RIMS1: variants seen among roughly 807,000 people sequenced by gnomAD.
The protein encoded by RIMS1 is regulating synaptic membrane exocytosis 1.
Under a neutral mutation model 214.1 loss-of-function variants are expected in RIMS1, and 83 were observed. That is an observed-to-expected ratio of 0.39 (90% CI 0.32 to 0.47). The LOEUF (loss-of-function observed/expected upper bound fraction) is 0.47. RIMS1 is among the 20% of genes least tolerant of loss of function. RIMS1 has a pLI of 0.99. For missense variants in RIMS1, 2,050 were observed against 2,161.8 expected (o/e 0.95, Z 1.03); for synonymous variants, 793 against 786.8 (o/e 1.01, Z -0.13).
At chr6:72,012,043 C>T (rs375498682) in intron 2 of RIMS1, among the ~76,000 whole-genome samples, 13 of 152,214 alleles carry the variant, frequency 8.5e-5, no homozygotes, top group South Asian at 6.2e-4. Context: ...ATGTTTATTG[C>T]GGCACTATTC....
At chr6:72,291,785 C>T (rs1016406101) in intron 25 of RIMS1, 149 bp from the exon 26 acceptor site, 38 of 683,512 alleles carry the variant, frequency 5.6e-5, no homozygotes, top group Non-Finnish European at 8.9e-5. Flanking sequence ...ATTCCATTTA[C>T]ACATATCATA....
At chr6:72,091,882 G>A (rs1034573934) in intron 2 of RIMS1, among the ~76,000 whole-genome samples, 4 of 152,024 alleles carry the variant, frequency 2.6e-5, no homozygotes, top group African/African-American at 9.7e-5. Flanking sequence ...TTCTAAAATC[G>A]AAGTGTACAA....
At chr6:72,143,506 G>T (rs1343778384) in intron 4 of RIMS1, among the ~76,000 whole-genome samples, 1 of 152,076 alleles carries the variant, frequency 6.6e-6, no homozygotes, top group Admixed American at 6.6e-5. Context: ...GATCTTGGTG[G>T]AAGTCAGGAT....
intron 6 of RIMS1, among the ~76,000 whole-genome samples, chr6:72,214,106 G>A (rs2054652455): frequency 6.6e-6 from 1 of 152,080 alleles, no homozygotes; most frequent in Non-Finnish European, 1.5e-5. Context: ...CATAGTATGT[G>A]GTACCCAGAA....
chr6:72,077,841 G>T lies in RIMS1; in HGVS notation c.246-19108G>T, dbSNP rs9442732. Among the ~76,000 whole-genome samples, 3 of 152,182 alleles carry T rather than the reference G, an allele frequency of 2.0e-5. No individual in the cohort carries two copies. In the East Asian group the frequency reaches 5.8e-4, roughly 29 times the overall value. On this transcript the variant is annotated intron_variant, in intron 2 of 33. Coordinates refer to ENST00000521978, the MANE Select transcript of RIMS1 (RefSeq NM_014989.7). Reference sequence around the variant, plus strand: ...AGAGCCTTTGTTCCAGCCCTGGCTTGTATCTGGTAATAATGCCCTTACTTA... The same window carrying T: ...AGAGCCTTTGTTCCAGCCCTGGCTTTTATCTGGTAATAATGCCCTTACTTA...
chr6:71,988,901 A>C (rs1272986005), intron 2 of RIMS1, among the ~76,000 whole-genome samples: 1 of 152,232 alleles, frequency 6.6e-6, no homozygotes, highest in Non-Finnish European at 1.5e-5. Flanking sequence ...ATACAACAGC[A>C]TCATATATAC....
intron 26 of RIMS1, among the ~76,000 whole-genome samples, chr6:72,300,002 T>G (rs1446918386): frequency 6.6e-6 from 1 of 151,816 alleles, no homozygotes; most frequent in Non-Finnish European, 1.5e-5. Flanking sequence ...TTGCTTCTCC[T>G]GAACACTTAT....
At chr6:72,299,365 A>C (rs2094404186) in intron 26 of RIMS1, among the ~76,000 whole-genome samples, 1 of 151,956 alleles carries the variant, frequency 6.6e-6, no homozygotes, top group African/African-American at 2.4e-5. Flanking sequence ...ATGGAGAATG[A>C]AAGGCAATTA....
intron 2 of RIMS1, among the ~76,000 whole-genome samples, chr6:72,019,323 C>T (rs1191824363): frequency 2.6e-5 from 4 of 152,158 alleles, no homozygotes; most frequent in Non-Finnish European, 5.9e-5. Flanking sequence ...TTGCAGTCAA[C>T]ACAAACCTTG....
chr6:71,946,330 C>T (rs942016819), intron 1 of RIMS1, among the ~76,000 whole-genome samples: 2 of 152,140 alleles, frequency 1.3e-5, no homozygotes, highest in Non-Finnish European at 1.5e-5. Context: ...CCAAAGCAAT[C>T]TTGAACAAGA....
At chr6:72,039,179 A>T (rs1404151064) in intron 2 of RIMS1, among the ~76,000 whole-genome samples, 1 of 152,006 alleles carries the variant, frequency 6.6e-6, no homozygotes, top group African/African-American at 2.4e-5. Context: ...AGTATTTTTC[A>T]TAAGTGCAGG....
At chr6:72,314,044 A>T (rs1563937568) in intron 28 of RIMS1, among the ~76,000 whole-genome samples, 1 of 152,218 alleles carries the variant, frequency 6.6e-6, no homozygotes, top group Non-Finnish European at 1.5e-5. Flanking sequence ...TGTGACAGCT[A>T]CATAAATAAA....
intron 17 of RIMS1, among the ~76,000 whole-genome samples, chr6:72,258,754 G>A (rs1047855136): frequency 3.3e-5 from 5 of 152,144 alleles, no homozygotes; most frequent in African/African-American, 9.6e-5. Context: ...TAATTATGCC[G>A]ATAAAAATTG....
chr6:71,915,154 C>T (rs549413405), intron 1 of RIMS1, among the ~76,000 whole-genome samples: 3 of 152,216 alleles, frequency 2.0e-5, no homozygotes, highest in South Asian at 4.1e-4. Flanking sequence ...GTTTTCCTAT[C>T]TGTCTAAATC....
chr6:72,184,678 C>T (rs2463728), intron 6 of RIMS1, among the ~76,000 whole-genome samples: 148,730 of 152,240 alleles, frequency 0.98, 72,732 homozygotes, highest in East Asian at 1. Flanking sequence ...CCAGCAGAGA[C>T]GAGTTCTAGA....
chr6:72,137,888 C>T (rs1412639671), intron 4 of RIMS1, among the ~76,000 whole-genome samples: 1 of 152,050 alleles, frequency 6.6e-6, no homozygotes, highest in South Asian at 2.1e-4. Flanking sequence ...AGGTGCCCAC[C>T]GCCACGCCCG....
At chr6:71,934,807 G>A (rs554431898) in intron 1 of RIMS1, among the ~76,000 whole-genome samples, 2 of 152,272 alleles carry the variant, frequency 1.3e-5, no homozygotes, top group South Asian at 2.1e-4. Flanking sequence ...ACACCTGTGC[G>A]ATTATTGGAG....
At chr6:71,962,577 GT>G (rs2151270734) in intron 1 of RIMS1, among the ~76,000 whole-genome samples, 1 of 152,236 alleles carries the variant, frequency 6.6e-6, no homozygotes, top group Non-Finnish European at 1.5e-5. Flanking sequence ...CCCTTATGGT[GT>G]AGAATTTTCA....
intron 4 of RIMS1, among the ~76,000 whole-genome samples, chr6:72,102,354 T>C (rs1377144428): frequency 6.6e-6 from 1 of 152,016 alleles, no homozygotes; most frequent in East Asian, 1.9e-4. Context: ...CTACAATAAA[T>C]GTTAGCATTA....
Sources: gnomAD v4.1 joint callset for allele counts (sites outside exome capture counted in the v4.1 genomes callset) on GRCh38, gnomAD v4.1.1 for gene constraint, MANE v1.5 for transcripts, NCBI Gene and HGNC (gene_info 2026-07-23, HGNC 2026-07-21) for gene names.